The following ADAMTS2 variants were observed in gnomAD, a reference collection of about 807,000 sequenced individuals.
The protein encoded by ADAMTS2 is ADAM metallopeptidase with thrombospondin type 1 motif 2, also known as A disintegrin and metalloproteinase with thrombospondin motifs 2.
In ADAMTS2, 50 loss-of-function variants were observed where a neutral mutation model predicts 123.0. The ratio of observed to expected loss-of-function variants is 0.41; its 90% CI spans 0.32 to 0.51. ADAMTS2 has a LOEUF of 0.51. Ranked by LOEUF, ADAMTS2 falls within the 20% of genes least tolerant of loss-of-function variation. The probability of loss-of-function intolerance (pLI) is 0.35; values close to 1 mark genes in which losing one functional copy is unlikely to be tolerated. For synonymous variants in ADAMTS2, 678 were observed against 695.4 expected, an observed-to-expected ratio of 0.98 and a Z score of 0.39; for missense variants, 1,494 against 1,705.2, an observed-to-expected ratio of 0.88 and a Z score of 2.18.
chr5:179,270,646 G>A (rs1166428191), intron 3 of ADAMTS2, among the ~76,000 whole-genome samples: 1 of 152,196 alleles, frequency 6.6e-6, no homozygotes, highest in Non-Finnish European at 1.5e-5. Flanking sequence ...TCTGGGCCCT[G>A]AAAAGGCCCA....
Position 179,283,549 on chromosome 5 carries a change from C to CAAAAAAAA in ADAMTS2, c.535-10493_535-10486dup, listed in dbSNP as rs3986816. 5.8e-3 allele frequency among the ~76,000 whole-genome samples: 295 copies of CAAAAAAAA among 51,256 alleles called. 4 individuals carry two copies. The highest frequency in any genetic ancestry group is 0.019 in the African/African-American group (198 of 10,472). 33.6% of individuals were successfully genotyped at this position (51,256 alleles called of 152,430 possible). Reference sequence around the variant, plus strand: ...AAAATATGGTAGACTAGAAAAACAGCAAAAAAAAAAAAAAAAAAAAATCCA... The same window carrying CAAAAAAAA: ...AAAATATGGTAGACTAGAAAAACAGCAAAAAAAAAAAAAAAAAAAAAAAAAAAAATCCA... On this transcript the variant is annotated intron_variant, in intron 2 of 21. Coordinates refer to ENST00000251582, the MANE Select transcript of ADAMTS2 (RefSeq NM_014244.5).
intron 10 of ADAMTS2, among the ~76,000 whole-genome samples, chr5:179,145,853 C>T (rs1215651047): frequency 2.0e-5 from 3 of 152,128 alleles, no homozygotes; most frequent in African/African-American, 7.2e-5. Context: ...CTCTCTTTTA[C>T]TTATTTATTT....
chr5:179,266,227 G>A (rs569746644), intron 3 of ADAMTS2, among the ~76,000 whole-genome samples: 26 of 152,240 alleles, frequency 1.7e-4, no homozygotes, highest in South Asian at 6.2e-4. Context: ...CATGACCCCC[G>A]GACGTCCATG....
rs572648066 is a variant in ADAMTS2 at position 179,207,713 on chromosome 5, C to T, written c.691G>A (p.Ala231Thr). ...AGGCTGTCCAGGCTGTCCAGGGAGG[C>T]CCCTGCAAGGAGAGGACACCGTCTT... ...LGGPQALDTG[A>T]SLDSLDSLSR... Residue 231 changes from alanine (A) to threonine (T), a missense_variant and splice_region_variant, in exon 4 of 22, where the codon GCC (alanine) becomes ACC (threonine). By Grantham distance (58) the Ala-to-Thr change is moderately conservative. Coordinates refer to ENST00000251582, the MANE Select transcript of ADAMTS2 (RefSeq NM_014244.5). 2.4e-5 allele frequency: 38 copies of T among 1,610,420 alleles called. No individual in the cohort carries two copies. Among genetic ancestry groups the T allele is most frequent in the Admixed American group, 6.7e-5 (4 of 60,008 alleles).
intron 2 of ADAMTS2, among the ~76,000 whole-genome samples, chr5:179,322,904 C>T (rs1368809986): frequency 6.6e-6 from 1 of 152,240 alleles, no homozygotes; most frequent in East Asian, 1.9e-4. Context: ...AAGTCCTCTC[C>T]TGGGAGTGGA....
In ADAMTS2 at chr5:179,189,042, T is replaced by G. The variant is rs538130603; in HGVS notation, c.892-7887A>C. On this transcript the variant is annotated intron_variant, in intron 4 of 21. Coordinates refer to ENST00000251582, the MANE Select transcript of ADAMTS2 (RefSeq NM_014244.5). The surrounding 1 kb of genome is among the most constrained non-coding windows in gnomAD (Gnocchi z 4.2). ...AGGTCAGATTTCATGGGTGCCAGCA[T>G]GGGCTCTGCCACAATCCTGCTGCGT... is the stretch of plus-strand genomic sequence containing the variant. Among the ~76,000 whole-genome samples, 2 of 152,324 alleles carry G rather than the reference T, an allele frequency of 1.3e-5. No homozygotes were observed. Among genetic ancestry groups the G allele is most frequent in the Admixed American group, 1.3e-4 (2 of 15,294 alleles).
At chr5:179,143,431 A>T (rs942732305) in intron 10 of ADAMTS2, among the ~76,000 whole-genome samples, 3 of 138,948 alleles carry the variant, frequency 2.2e-5, no homozygotes, top group African/African-American at 9.2e-5. Context: ...TCTGTCTCGA[A>T]AAAAAAAAAA....
intron 2 of ADAMTS2, among the ~76,000 whole-genome samples, chr5:179,302,696 C>T (rs573207401): frequency 7.9e-5 from 12 of 151,582 alleles, no homozygotes; most frequent in African/African-American, 2.2e-4. Context: ...GTGACGCAGC[C>T]GTGAGGACAA....
rs867207963 is a variant in ADAMTS2 at position 179,260,206 on chromosome 5, G to A, written c.688+12705C>T. ...TGACACTGTGGCAACAACAGGAGGCGTCAGTGCCAAGCCCTCCAATGCCTG... is the reference window on the plus strand; with the variant it reads ...TGACACTGTGGCAACAACAGGAGGCATCAGTGCCAAGCCCTCCAATGCCTG... On this transcript the variant is annotated intron_variant, in intron 3 of 21. Transcript: ENST00000251582. This position sits in a 1 kb window ranked among gnomAD's most constrained non-coding sequence, Gnocchi z 4.2. 4.6e-5 allele frequency among the ~76,000 whole-genome samples: 7 copies of A among 152,154 alleles called. No individual in the cohort carries two copies. The highest frequency in any genetic ancestry group is 4.1e-4 in the South Asian group (2 of 4,828).
chr5:179,131,286 C>T (rs1762956008), intron 15 of ADAMTS2, among the ~76,000 whole-genome samples: 2 of 128,822 alleles, frequency 1.6e-5, no homozygotes, highest in Admixed American at 1.8e-4. Context: ...GCACTCCAGC[C>T]TGGGCGACAG....
chr5:179,115,027 C>A lies in ADAMTS2; in HGVS notation c.3179-703G>T, dbSNP rs1762634201. On this transcript the variant is annotated intron_variant, in intron 21 of 21. Coordinates refer to ENST00000251582, the MANE Select transcript of ADAMTS2 (RefSeq NM_014244.5). This position sits in a 1 kb window ranked among gnomAD's most constrained non-coding sequence, Gnocchi z 4.4. Reference sequence around the variant, plus strand: ...GCTCCATCCCCCTATAGCACCGCCACCTTGCGCATCCAGCCATTTCCCAAA... The same window carrying A: ...GCTCCATCCCCCTATAGCACCGCCAACTTGCGCATCCAGCCATTTCCCAAA... Among the ~76,000 whole-genome samples the A allele has an allele frequency of 6.6e-6, 1 of 152,230 alleles. No homozygotes were observed. Among genetic ancestry groups the A allele is most frequent in the Non-Finnish European group, 1.5e-5 (1 of 68,050 alleles).
At position 179,129,811 on chromosome 5, in the gene ADAMTS2, G is replaced by C; in HGVS notation, c.2457+121C>G. ...CGGAGCCCCTTGGTGCCAAAGGCAGGCCAAAGGGGCCACGCAGAGTGTCAC... is the reference window on the plus strand; with the variant it reads ...CGGAGCCCCTTGGTGCCAAAGGCAGCCCAAAGGGGCCACGCAGAGTGTCAC... On this transcript the variant is annotated intron_variant, in intron 16 of 21. Transcript: ENST00000251582. The surrounding 1 kb of genome is among the most constrained non-coding windows in gnomAD (Gnocchi z 4.1). 7.3e-7 allele frequency: 1 copy of C among 1,364,176 alleles called. No individual in the cohort carries two copies. The highest frequency in any genetic ancestry group is 1.3e-5 in the South Asian group (1 of 77,126). The allele number at this position is 1,364,176 out of a possible 1,614,324, so 84.5% of individuals were successfully genotyped here.
chr5:179,296,934 T>C (rs1453781702), intron 2 of ADAMTS2, among the ~76,000 whole-genome samples: 1 of 152,082 alleles, frequency 6.6e-6, no homozygotes, highest in Non-Finnish European at 1.5e-5. Context: ...GCCTGAAACA[T>C]GCTAAAAGAG....
chr5:179,168,351 T>C (rs1178149648), intron 5 of ADAMTS2, among the ~76,000 whole-genome samples: 1 of 152,168 alleles, frequency 6.6e-6, no homozygotes, highest in East Asian at 1.9e-4. Context: ...AAGCTGGTGC[T>C]CCTGACCAGC....
At chr5:179,154,542 G>A (rs1005458230) in intron 7 of ADAMTS2, among the ~76,000 whole-genome samples, 3 of 152,216 alleles carry the variant, frequency 2.0e-5, no homozygotes, top group Non-Finnish European at 2.9e-5. Flanking sequence ...CTGCCTGGGG[G>A]CTTGGATGTG....
intron 2 of ADAMTS2, among the ~76,000 whole-genome samples, chr5:179,342,916 C>T (rs1757818474): frequency 6.6e-6 from 1 of 152,232 alleles, no homozygotes. Context: ...CCCAGAGCTC[C>T]AGTCACAGGA....
chr5:179,329,276 G>A (rs1000628382), intron 2 of ADAMTS2, among the ~76,000 whole-genome samples: 23 of 149,482 alleles, frequency 1.5e-4, no homozygotes, highest in South Asian at 4.3e-4. Flanking sequence ...GCAGTGAGCC[G>A]AGATAGTGCC....
intron 10 of ADAMTS2, among the ~76,000 whole-genome samples, chr5:179,146,548 A>AT (rs1369061902): frequency 5.9e-5 from 9 of 152,210 alleles, no homozygotes; most frequent in African/African-American, 2.2e-4. Context: ...TCAACATTTC[A>AT]TGGCAAATCA....
At position 179,234,079 on chromosome 5, in the gene ADAMTS2, G is replaced by A. The variant is rs2113436374; in HGVS notation, c.689-26364C>T. Among the ~76,000 whole-genome samples the A allele has an allele frequency of 6.6e-6, 1 of 152,270 alleles. No individual in the cohort carries two copies. Among genetic ancestry groups the A allele is most frequent in the Non-Finnish European group, 1.5e-5 (1 of 68,004 alleles). ...CCCTTCCACAGCCCGACTCCCCGTGGACTCTGCAGGTTTCCTAATGTCCTC... is the reference window on the plus strand; with the variant it reads ...CCCTTCCACAGCCCGACTCCCCGTGAACTCTGCAGGTTTCCTAATGTCCTC... On this transcript the variant is annotated intron_variant, in intron 3 of 21. Transcript: ENST00000251582. The surrounding 1 kb of genome is among the most constrained non-coding windows in gnomAD (Gnocchi z 4.7).
Sources: allele counts gnomAD v4.1 joint callset (sites outside exome capture counted in the v4.1 genomes callset), GRCh38; gene constraint gnomAD v4.1.1; non-coding constraint Gnocchi (gnomAD v3.1); transcripts MANE v1.5; gene names NCBI Gene and HGNC (gene_info 2026-07-23, HGNC 2026-07-21).